Variants in NAV2 observed in about 807,000 individuals in gnomAD.
The protein encoded by NAV2 is helicase, APC down-regulated 1.
In NAV2, 54 loss-of-function variants were observed where a neutral mutation model predicts 223.2. The ratio of observed to expected loss-of-function variants is 0.24; its 90% CI spans 0.19 to 0.30. NAV2 has a LOEUF of 0.30. NAV2 is among the 10% of genes least tolerant of loss of function. The probability of loss-of-function intolerance (pLI) is 1.00; values close to 1 mark genes in which losing one functional copy is unlikely to be tolerated. For missense variants in NAV2, 2,806 were observed against 3,147.5 expected, an observed-to-expected ratio of 0.89 and a Z score of 2.60; for synonymous variants, 1,279 against 1,239.3, an observed-to-expected ratio of 1.03 and a Z score of -0.67.
intron 1 of NAV2, among the ~76,000 whole-genome samples, chr11:19,569,647 A>G (rs897265911): frequency 2.0e-5 from 3 of 152,126 alleles, no homozygotes; most frequent in African/African-American, 7.2e-5. Flanking sequence ...CTTGGTACAT[A>G]ATAGACCTCA....
chr11:19,403,259 C>G (rs1468620050), intron 1 of NAV2, among the ~76,000 whole-genome samples: 1 of 152,184 alleles, frequency 6.6e-6, no homozygotes, highest in Non-Finnish European at 1.5e-5. Context: ...CTGGGTGCTT[C>G]AGATACATAG....
At chr11:19,628,218 G>T (rs1377746461) in intron 1 of NAV2, among the ~76,000 whole-genome samples, 1 of 152,216 alleles carries the variant, frequency 6.6e-6, no homozygotes, top group Non-Finnish European at 1.5e-5. Context: ...GACTTGTCCG[G>T]TGGGAGAGGA....
chr11:19,839,916 C>T (rs2060420515), intron 2 of NAV2, among the ~76,000 whole-genome samples: 1 of 152,154 alleles, frequency 6.6e-6, no homozygotes, highest in African/African-American at 2.4e-5. Flanking sequence ...GGATAAGTGC[C>T]TTTGTTTCTT....
chr11:20,045,171 A>G lies in NAV2; in HGVS notation c.3403A>G (p.Ile1135Val). 1 of 1,614,178 alleles carries G rather than the reference A, an allele frequency of 6.2e-7. No homozygotes were observed. Among genetic ancestry groups the G allele is most frequent in the Non-Finnish European group, 8.5e-7 (1 of 1,180,010 alleles). The change falls in exon 14 of 38, where the codon ATC becomes GTC. Residue 1135 changes from isoleucine to valine, a missense_variant. Coordinates refer to ENST00000349880, the MANE Select transcript of NAV2 (RefSeq NM_145117.5). Reference sequence around the variant, plus strand: ...TGGTTCCGCCGCCGGCCTGGCCATGATCACAGCCAGCGGGGTGACTGTCAC... The same window carrying G: ...TGGTTCCGCCGCCGGCCTGGCCATGGTCACAGCCAGCGGGGTGACTGTCAC... ...QSGSAAGLAMITASGVTVTSR... is the reference protein window; with the variant it reads ...QSGSAAGLAMVTASGVTVTSR...
At chr11:19,747,670 C>T (rs1373904750) in intron 1 of NAV2, among the ~76,000 whole-genome samples, 2 of 152,120 alleles carry the variant, frequency 1.3e-5, no homozygotes, top group Non-Finnish European at 2.9e-5. Context: ...TGTCCCATTC[C>T]TGGCGTCCTC....
chr11:19,697,070 C>T lies in NAV2; in HGVS notation c.76-135414C>T, dbSNP rs376382540. ...TGCCTTCAGAGAGCTGTACTTACCT[C>T]AGAACTATCCTGGAATACTATGCAG... On this transcript the variant is annotated intron_variant, in intron 1 of 37. Coordinates refer to the NAV2 transcript ENST00000360655. 6.6e-5 allele frequency among the ~76,000 whole-genome samples: 10 copies of T among 152,302 alleles called. No homozygotes were observed. The South Asian group carries it at 1.7e-3, about 25-fold the overall frequency.
At chr11:19,961,705 T>C (rs1447237380) in intron 10 of NAV2, among the ~76,000 whole-genome samples, 1 of 152,170 alleles carries the variant, frequency 6.6e-6, no homozygotes, top group Non-Finnish European at 1.5e-5. Context: ...CTCTCAGGTG[T>C]GTGAGGAGGA....
At chr11:19,384,682 C>A (rs1048983273) in intron 1 of NAV2, 1 of 152,158 alleles carries the variant, frequency 6.6e-6, no homozygotes, top group Non-Finnish European at 1.5e-5. Context: ...TCTCCAGGTG[C>A]CCAGTGAATA....
intron 1 of NAV2, among the ~76,000 whole-genome samples, chr11:19,703,044 T>C (rs2049554945): frequency 6.6e-6 from 1 of 151,590 alleles, no homozygotes; most frequent in African/African-American, 2.4e-5. Flanking sequence ...TTTATAAACA[T>C]GTTTATTTAT....
chr11:19,927,059 C>T (rs562699971), intron 6 of NAV2, among the ~76,000 whole-genome samples: 2 of 152,198 alleles, frequency 1.3e-5, no homozygotes, highest in African/African-American at 2.4e-5. Flanking sequence ...AGGCTGGTTG[C>T]CAGAAAAACC....
At chr11:20,052,502 C>G (rs1425040427) in intron 17 of NAV2, among the ~76,000 whole-genome samples, 2 of 152,226 alleles carry the variant, frequency 1.3e-5, no homozygotes, top group Non-Finnish European at 2.9e-5. Flanking sequence ...TGGCCACTCT[C>G]ACTGTGAGTT....
At chr11:19,759,341 C>T (rs2054533817) in intron 1 of NAV2, among the ~76,000 whole-genome samples, 1 of 152,004 alleles carries the variant, frequency 6.6e-6, no homozygotes, top group South Asian at 2.1e-4. Flanking sequence ...CCTCTGCCTC[C>T]CAAAGTGCTG....
Position 19,984,186 on chromosome 11 carries a change from A to T in NAV2, c.2707A>T (p.Met903Leu), listed in dbSNP as rs990281878. The T allele has an allele frequency of 3.7e-6, 6 of 1,614,054 alleles. No homozygotes were observed. Among genetic ancestry groups the T allele is most frequent in the Non-Finnish European group, 5.1e-6 (6 of 1,179,990 alleles). Residue 903 changes from methionine (M) to leucine (L), a missense_variant, in exon 11 of 38, where the codon ATG becomes TTG. Transcript: ENST00000349880. ...TRRLNRLPDG[M>L]AVVRETLQRN... is the part of the protein sequence containing the mutation. Reference sequence around the variant, plus strand: ...TCGCCTGAACCGGCTCCCTGATGGGATGGCTGTGGTACGGGAGACCCTGCA... The same window carrying T: ...TCGCCTGAACCGGCTCCCTGATGGGTTGGCTGTGGTACGGGAGACCCTGCA...
intron 1 of NAV2, among the ~76,000 whole-genome samples, chr11:19,571,570 TTGGCA>T (rs2134901900): frequency 6.6e-6 from 1 of 152,154 alleles, no homozygotes; most frequent in Admixed American, 6.5e-5. Context: ...GCCAGGAGTG[TTGGCA>T]TGTGCCTGAA....
intron 1 of NAV2, among the ~76,000 whole-genome samples, chr11:19,734,840 C>T (rs1590224793): frequency 6.6e-6 from 1 of 152,174 alleles, no homozygotes; most frequent in Non-Finnish European, 1.5e-5. Flanking sequence ...GCCAAGTATG[C>T]CATGGAGGGC....
intron 2 of NAV2, among the ~76,000 whole-genome samples, chr11:19,840,251 G>A (rs940938974): frequency 6.6e-6 from 1 of 151,998 alleles, no homozygotes; most frequent in African/African-American, 2.4e-5. Flanking sequence ...AGTTTATTTT[G>A]ACTTTTGTAA....
intron 1 of NAV2, among the ~76,000 whole-genome samples, chr11:19,705,740 G>T (rs1383743888): frequency 6.6e-6 from 1 of 152,140 alleles, no homozygotes; most frequent in Non-Finnish European, 1.5e-5. Flanking sequence ...CCAAGTATTT[G>T]GTAGCATAGC....
intron 1 of NAV2, among the ~76,000 whole-genome samples, chr11:19,812,873 C>T (rs2058905716): frequency 6.6e-6 from 1 of 152,128 alleles, no homozygotes; most frequent in South Asian, 2.1e-4. Flanking sequence ...GAATTCAGTC[C>T]AGCAAGCAAC....
intron 1 of NAV2, among the ~76,000 whole-genome samples, chr11:19,788,714 T>A (rs1446354937): frequency 6.6e-6 from 1 of 152,168 alleles, no homozygotes; most frequent in Non-Finnish European, 1.5e-5. Flanking sequence ...GGCTGCACCA[T>A]TCTTCCTCTG....
Sources: allele counts gnomAD v4.1 joint callset (sites outside exome capture counted in the v4.1 genomes callset), GRCh38; gene constraint gnomAD v4.1.1; transcripts MANE v1.5; gene names NCBI Gene and HGNC (gene_info 2026-07-23, HGNC 2026-07-21).